Variants in APBA1 observed in about 807,000 individuals in gnomAD.
The protein encoded by APBA1 is amyloid-beta A4 precursor protein-binding family A member 1.
APBA1 carries 55 observed loss-of-function variants against 86.6 expected under a neutral mutation model. The observed-to-expected ratio is 0.64, with a 90% CI of 0.51 to 0.80. The LOEUF (loss-of-function observed/expected upper bound fraction) is 0.80, where lower values mean the gene tolerates loss of function less well. Ranked by LOEUF, APBA1 falls within the 30% of genes least tolerant of loss-of-function variation. The pLI, the probability that APBA1 is intolerant of heterozygous loss-of-function variation, is 0.00. For synonymous variants in APBA1, 511 were observed against 493.9 expected, an observed-to-expected ratio of 1.03 and a Z score of -0.46; for missense variants, 1,090 against 1,183.0, an observed-to-expected ratio of 0.92 and a Z score of 1.15.
chr9:69,512,601 C>G (rs1324797669), intron 2 of APBA1, among the ~76,000 whole-genome samples: 1 of 152,252 alleles, frequency 6.6e-6, no homozygotes, highest in East Asian at 1.9e-4. Context: ...TTTGTTAAAA[C>G]TTTATCTGTG....
At chr9:69,671,387 T>C (rs1823945873) in intron 1 of APBA1, among the ~76,000 whole-genome samples, 1 of 152,084 alleles carries the variant, frequency 6.6e-6, no homozygotes, top group Admixed American at 6.5e-5. Flanking sequence ...GCCATGTGCC[T>C]CAAAGCAACA....
intron 1 of APBA1, 71 bp from the exon 2 acceptor site, chr9:69,517,350 C>A (rs1367650898): frequency 5.3e-6 from 7 of 1,310,868 alleles, no homozygotes; most frequent in Non-Finnish European, 6.8e-6. Context: ...ATTCAGATAA[C>A]CATAAAAACA....
chr9:69,540,897 G>A (rs1049196277), intron 1 of APBA1, among the ~76,000 whole-genome samples: 6 of 152,120 alleles, frequency 3.9e-5, no homozygotes, highest in African/African-American at 1.2e-4. Context: ...GAGCCACCAC[G>A]CTCAGCCTTT....
At chr9:69,461,561 C>T (rs1835192116) in intron 5 of APBA1, 1 of 152,120 alleles carries the variant, frequency 6.6e-6, no homozygotes, top group South Asian at 2.1e-4. Flanking sequence ...AGATGGTAAG[C>T]CATGATCAAT....
At chr9:69,441,265 G>T in intron 10 of APBA1, 150 bp from the exon 11 acceptor site, 2 of 954,546 alleles carry the variant, frequency 2.1e-6, no homozygotes, top group South Asian at 1.8e-5. Context: ...TGCCTGGGCT[G>T]GTACAGTCAC....
chr9:69,533,766 T>C lies in APBA1; in HGVS notation c.-69-16487A>G, dbSNP rs146349371. Reference sequence around the variant, plus strand: ...AATACTATCAGTTCACTGATGGATATGATTCTAAAGTAACAGAAATATAGA... The same window carrying C: ...AATACTATCAGTTCACTGATGGATACGATTCTAAAGTAACAGAAATATAGA... On this transcript the variant is annotated intron_variant, in intron 1 of 12. Transcript: ENST00000265381. Among the ~76,000 whole-genome samples the C allele has an allele frequency of 7.3e-3, 1,109 of 152,342 alleles. 9 individuals are homozygous for C. The highest frequency in any genetic ancestry group is 0.025 in the African/African-American group (1,037 of 41,570).
At chr9:69,436,845 T>G (rs1834732532) in intron 11 of APBA1, among the ~76,000 whole-genome samples, 1 of 152,024 alleles carries the variant, frequency 6.6e-6, no homozygotes, top group African/African-American at 2.4e-5. Context: ...GGCATCCCTG[T>G]CTTGTGCCAG....
chr9:69,580,638 C>T (rs1821896630), intron 1 of APBA1, among the ~76,000 whole-genome samples: 1 of 152,156 alleles, frequency 6.6e-6, no homozygotes, highest in African/African-American at 2.4e-5. Context: ...AGTTCAACCA[C>T]AGCACAGTTA....
intron 1 of APBA1, among the ~76,000 whole-genome samples, chr9:69,570,346 T>C (rs1365177691): frequency 6.6e-6 from 1 of 152,136 alleles, no homozygotes; most frequent in East Asian, 1.9e-4. Flanking sequence ...TGTTCAAAGA[T>C]TCCCAGAGAA....
At chr9:69,530,640 T>C (rs1397886482) in intron 1 of APBA1, among the ~76,000 whole-genome samples, 1 of 152,122 alleles carries the variant, frequency 6.6e-6, no homozygotes, top group East Asian at 1.9e-4. Context: ...GCGTAATGGA[T>C]ACACCAGAAG....
intron 4 of APBA1, among the ~76,000 whole-genome samples, chr9:69,469,294 T>C (rs1835329449): frequency 6.6e-6 from 1 of 152,250 alleles, no homozygotes; most frequent in Non-Finnish European, 1.5e-5. Flanking sequence ...CTTGGAAGGC[T>C]AATCTGAAAT....
intron 1 of APBA1, among the ~76,000 whole-genome samples, chr9:69,595,794 GCT>G (rs1326478475): frequency 6.6e-6 from 1 of 152,088 alleles, no homozygotes; most frequent in Non-Finnish European, 1.5e-5. Context: ...TCTGAGGGTA[GCT>G]CTTTCAGTAT....
At chr9:69,546,769 T>C (rs1334374578) in intron 1 of APBA1, among the ~76,000 whole-genome samples, 1 of 152,196 alleles carries the variant, frequency 6.6e-6, no homozygotes, top group Non-Finnish European at 1.5e-5. Context: ...GGTTTAGAGT[T>C]AAAAGATATA....
intron 5 of APBA1, 65 bp from the exon 6 acceptor site, chr9:69,458,253 C>T: frequency 6.8e-7 from 1 of 1,479,362 alleles, no homozygotes; most frequent in Admixed American, 2.1e-5. Flanking sequence ...GACTCAAAGT[C>T]AAAAAGGGAA....
rs559640801 is a variant in APBA1, at chr9:69,536,933, T to C, written c.-69-19654A>G. 7.3e-5 allele frequency among the ~76,000 whole-genome samples: 11 copies of C among 150,588 alleles called. No homozygotes were observed. In the South Asian group the frequency reaches 2.3e-3, roughly 32 times the overall value. On this transcript the variant is annotated intron_variant, in intron 1 of 12. Coordinates refer to ENST00000265381, the MANE Select transcript of APBA1 (RefSeq NM_001163.4). ...ATTTACATAGCCCAAACCCCTCCTTTATGTGATATATGCATGTAGCCAATC... is the reference window on the plus strand; with the variant it reads ...ATTTACATAGCCCAAACCCCTCCTTCATGTGATATATGCATGTAGCCAATC...
chr9:69,532,217 A>T (rs1026071739), intron 1 of APBA1, among the ~76,000 whole-genome samples: 1 of 152,182 alleles, frequency 6.6e-6, no homozygotes, highest in African/African-American at 2.4e-5. Flanking sequence ...CTTTCCATTA[A>T]ATTTTTCTGT....
intron 3 of APBA1, among the ~76,000 whole-genome samples, chr9:69,474,767 T>G (rs993660771): frequency 6.6e-6 from 1 of 152,236 alleles, no homozygotes; most frequent in African/African-American, 2.4e-5. Context: ...ATGAACAGAT[T>G]AATAAAAAAT....
chr9:69,636,825 GAGA>G (rs1823173586), intron 1 of APBA1, among the ~76,000 whole-genome samples: 1 of 21,564 alleles, frequency 4.6e-5, no homozygotes, highest in African/African-American at 1.6e-4. Context: ...GAGAGAGAGA[GAGA>G]GAGGGAGGGA....
chr9:69,447,966 A>G (rs1159627865), intron 10 of APBA1, among the ~76,000 whole-genome samples: 1 of 152,020 alleles, frequency 6.6e-6, no homozygotes, highest in Non-Finnish European at 1.5e-5. Flanking sequence ...TTAATAAGCA[A>G]CTTGCTCACT....
Sources: allele counts gnomAD v4.1 joint callset (sites outside exome capture counted in the v4.1 genomes callset), GRCh38; gene constraint gnomAD v4.1.1; transcripts MANE v1.5; gene names NCBI Gene and HGNC (gene_info 2026-07-23, HGNC 2026-07-21).